UBQLN2: variants seen among roughly 807,000 people sequenced by gnomAD.
UBQLN2 encodes the protein ubiquilin 2, also known as ubiquilin-2.
Under a neutral mutation model 22.2 loss-of-function variants are expected in UBQLN2, and 2 were observed. The ratio of observed to expected loss-of-function variants is 0.09; its 90% CI spans 0.04 to 0.28. UBQLN2 has a LOEUF of 0.28. Among genes scored for constraint, UBQLN2 ranks in the 10% least tolerant of loss-of-function variants. The pLI, the probability that UBQLN2 is intolerant of heterozygous loss-of-function variation, is 1.00. For missense variants in UBQLN2, 446 were observed against 505.1 expected (o/e 0.88, Z 1.12); for synonymous variants, 252 against 206.7 (o/e 1.22, Z -1.88).
chrX:56,563,957 T>A lies in UBQLN2; in HGVS notation c.84T>A (p.Ala28=). 1 of 1,163,835 alleles carries A rather than the reference T, an allele frequency of 8.6e-7. No individual in the cohort carries two copies. Among genetic ancestry groups the A allele is most frequent in the Non-Finnish European group, 1.1e-6 (1 of 869,800 alleles). Residue 28 remains alanine (A), a synonymous_variant, in exon 1 of 1, where the codon GCT becomes GCA. Transcript: ENST00000338222. The part of the protein sequence containing the change: ...AAAQGSAAAP[A]EPKIIKVTVK... ...CCCAAGGCTCGGCTGCTGCCCCGGCTGAGCCTAAAATCATCAAAGTCACGG... is the reference window on the plus strand; with the variant it reads ...CCCAAGGCTCGGCTGCTGCCCCGGCAGAGCCTAAAATCATCAAAGTCACGG...
Position 56,565,380 on chromosome X carries a change from C to T in UBQLN2, c.1507C>T (p.Pro503Ser), listed in dbSNP as rs780942874. ...GPVTPIGPIG[P>S]IVPFTPIGPI... Reference sequence around the variant, plus strand: ...AGTCACCCCCATAGGCCCCATAGGCCCTATAGTCCCTTTTACCCCCATAGG... The same window carrying T: ...AGTCACCCCCATAGGCCCCATAGGCTCTATAGTCCCTTTTACCCCCATAGG... Residue 503 changes from proline (P) to serine (S), a missense_variant, in exon 1 of 1, where the codon CCT (proline) becomes TCT (serine). Transcript: ENST00000338222. The T allele has an allele frequency of 2.5e-6, 3 of 1,199,888 alleles. No homozygotes were observed. The highest frequency in any genetic ancestry group is 3.0e-5 in the East Asian group (1 of 33,183).
Position 56,563,819 on chromosome X carries a change from C to T in UBQLN2, c.-55C>T. 12 of 969,901 alleles carry T rather than the reference C, an allele frequency of 1.2e-5. No individual in the cohort carries two copies. The highest frequency in any genetic ancestry group is 1.7e-5 in the Non-Finnish European group (12 of 712,140). The allele number at this position is 969,901 out of a possible 1,213,427, so 79.9% of individuals were successfully genotyped here. On this transcript the variant is annotated 5_prime_UTR_variant, in exon 1 of 1. Transcript: ENST00000338222. ...CTCCTTCCTTCCTCCTTCCCTCGCG[C>T]TCTCTCTTTCGCCCGCCCGCGCCTT...
chrX:56,564,772 C>T lies in UBQLN2; in HGVS notation c.899C>T (p.Ser300Phe), dbSNP rs1197392811. Residue 300 changes from serine (S) to phenylalanine (F), a missense_variant, in exon 1 of 1, where the codon TCC becomes TTC. Physicochemically the swap from Ser to Phe is radical, Grantham distance 155. This residue lies in a region of UBQLN2 where 278 missense variants were observed against 279.4 expected (regional missense o/e 1.00). Transcript: ENST00000338222. The stretch of plus-strand genomic sequence containing the variant: ...TTTGCCTCCGTGGGGAGTAGTTCCT[C>T]CTCTGGGGAAGGTACGCAGCCTTCC... ...NPFASVGSSSSSGEGTQPSRT... is the reference protein window; with the variant it reads ...NPFASVGSSSFSGEGTQPSRT... 1 of 1,209,322 alleles carries T rather than the reference C, an allele frequency of 8.3e-7. No homozygotes were observed. The highest frequency in any genetic ancestry group is 1.8e-5 in the African/African-American group (1 of 56,871).
chrX:56,565,294 C>A lies in UBQLN2; in HGVS notation c.1421C>A (p.Pro474Gln), dbSNP rs745791820. ...GCCACTGAAGCACCTGGCCTGATTCCGAGCTTCACTCCAGGTGTGGGGGTG... is the reference window on the plus strand; with the variant it reads ...GCCACTGAAGCACCTGGCCTGATTCAGAGCTTCACTCCAGGTGTGGGGGTG... ...TLATEAPGLI[P>Q]SFTPGVGVGV... The change falls in exon 1 of 1, where the codon CCG (proline) becomes CAG (glutamine). Residue 474 changes from proline (P) to glutamine (Q), a missense_variant. Around this residue, in one of 3 missense-constraint regions of UBQLN2, gnomAD observed 278 missense variants for 279.4 expected, o/e 1.00. Coordinates refer to ENST00000338222, the MANE Select transcript of UBQLN2 (RefSeq NM_013444.4). The A allele has an allele frequency of 1.7e-6, 2 of 1,211,968 alleles. No individual in the cohort carries two copies. Among genetic ancestry groups the A allele is most frequent in the South Asian group, 3.5e-5 (2 of 57,002 alleles).
rs1044171153 is a variant in UBQLN2 at position 56,564,163 on chromosome X, C to T, written c.290C>T (p.Thr97Ile). The T allele has an allele frequency of 2.5e-6, 3 of 1,211,813 alleles. No individual in the cohort carries two copies. Among genetic ancestry groups the T allele is most frequent in the Non-Finnish European group, 3.4e-6 (3 of 895,286 alleles). ...LIQHGIHDGL[T>I]VHLVIKSQNR... The stretch of plus-strand genomic sequence containing the variant: ...CAGCATGGCATCCATGATGGGCTGA[C>T]TGTTCACCTTGTCATCAAAAGCCAG... The change falls in exon 1 of 1, where the codon ACT (threonine) becomes ATT (isoleucine). Residue 97 changes from threonine (T) to isoleucine (I), a missense_variant. Thr to Ile is a moderately conservative substitution (Grantham distance 89, BLOSUM62 -1). Transcript: ENST00000338222.
chrX:56,565,652 G>T lies in UBQLN2; in HGVS notation c.1779G>T (p.Gly593=), dbSNP rs989401129. 1.7e-6 allele frequency: 2 copies of T among 1,210,793 alleles called. No individual in the cohort carries two copies. The highest frequency in any genetic ancestry group is 2.2e-6 in the Non-Finnish European group (2 of 895,348). ...QQQLEQLNAM[G]FLNREANLQA... Reference sequence around the variant, plus strand: ...AACTGGAACAGCTCAACGCAATGGGGTTCTTAAACCGTGAAGCAAACTTGC... The same window carrying T: ...AACTGGAACAGCTCAACGCAATGGGTTTCTTAAACCGTGAAGCAAACTTGC... Residue 593 remains glycine (G), a synonymous_variant, in exon 1 of 1, where the codon GGG becomes GGT. Coordinates refer to ENST00000338222, the MANE Select transcript of UBQLN2 (RefSeq NM_013444.4).
Position 56,565,199 on chromosome X carries a change from A to G in UBQLN2, c.1326A>G (p.Thr442=). ...TGCAGCAGATGCAGAATCCAGACAC[A>G]CTATCAGCCATGTCAAACCCAAGAG... ...AFLQQMQNPD[T]LSAMSNPRAM... Residue 442 remains threonine, a synonymous_variant, in exon 1 of 1, where the codon ACA becomes ACG. Transcript: ENST00000338222. 8.3e-7 allele frequency: 1 copy of G among 1,211,846 alleles called. No individual in the cohort carries two copies. Among genetic ancestry groups the G allele is most frequent in the African/African-American group, 1.7e-5 (1 of 57,820 alleles).
Position 56,565,888 on chromosome X carries a change from T to C in UBQLN2, c.*140T>C. 1.6e-6 allele frequency: 1 copy of C among 641,394 alleles called. No individual in the cohort carries two copies. The allele number at this position is 641,394 out of a possible 1,213,427, so 52.9% of individuals were successfully genotyped here. A position where few individuals can be genotyped will look rare whatever the true frequency, so the allele number is the denominator to read the frequency against. Reference sequence around the variant, plus strand: ...CTAGTTGTAAGTCTAATATGATGCATTTTAAGATGGAGTCCCTCCCTCCTA... The same window carrying C: ...CTAGTTGTAAGTCTAATATGATGCACTTTAAGATGGAGTCCCTCCCTCCTA... On this transcript the variant is annotated 3_prime_UTR_variant, in exon 1 of 1. Coordinates refer to ENST00000338222, the MANE Select transcript of UBQLN2 (RefSeq NM_013444.4).
rs1383892939 is a variant in UBQLN2, at chrX:56,565,732, G to A, written c.1859G>A (p.Gly620Asp). 7 of 1,208,380 alleles carry A rather than the reference G, an allele frequency of 5.8e-6. No homozygotes were observed. The highest frequency in any genetic ancestry group is 2.2e-6 in the Non-Finnish European group (2 of 893,198). The change falls in exon 1 of 1, where the codon GGC becomes GAC. Residue 620 changes from glycine to aspartate, a missense_variant. By Grantham distance (94) the Gly-to-Asp change is moderately conservative. Around this residue, in one of 3 missense-constraint regions of UBQLN2, gnomAD observed 278 missense variants for 279.4 expected, o/e 1.00. Coordinates refer to ENST00000338222, the MANE Select transcript of UBQLN2 (RefSeq NM_013444.4). ...DINAAIERLL[G>D]SQPS The stretch of plus-strand genomic sequence containing the variant: ...AATGCAGCCATTGAAAGGCTGCTGG[G>A]CTCCCAGCCATCGTAATCACATTTC...
chrX:56,567,728 C>T lies in UBQLN2; in HGVS notation c.*1980C>T, dbSNP rs2068649258. ...TAATTTTAGAGATATTCATTTGATC[C>T]TTTTGAGTTTTTCCAGGTGAGAAAT... is the stretch of plus-strand genomic sequence containing the variant. On this transcript the variant is annotated 3_prime_UTR_variant, in exon 1 of 1. Transcript: ENST00000338222. 1 of 122,206 alleles carries T rather than the reference C, an allele frequency of 8.2e-6. No homozygotes were observed. The highest frequency in any genetic ancestry group is 3.8e-4 in the South Asian group (1 of 2,662). 10.1% of individuals were successfully genotyped at this position (122,206 alleles called of 1,213,427 possible). A position where few individuals can be genotyped will look rare whatever the true frequency, so the allele number is the denominator to read the frequency against.
Position 56,565,467 on chromosome X carries a change from G to A in UBQLN2, c.1594G>A (p.Gly532Ser). 2.5e-6 allele frequency: 3 copies of A among 1,199,416 alleles called. No homozygotes were observed. Among genetic ancestry groups the A allele is most frequent in the Non-Finnish European group, 3.4e-6 (3 of 888,923 alleles). ...CCCCCCTGGCTCCACCGGCTCTGGT[G>A]GCCCCACGGGGCCTACTGTGTCCAG... ...AAPPGSTGSGGPTGPTVSSAA... is the reference protein window; with the variant it reads ...AAPPGSTGSGSPTGPTVSSAA... The change falls in exon 1 of 1, where the codon GGC (glycine) becomes AGC (serine). Residue 532 changes from glycine to serine, a missense_variant. Gly to Ser is a moderately conservative substitution (Grantham distance 56). Coordinates refer to ENST00000338222, the MANE Select transcript of UBQLN2 (RefSeq NM_013444.4).
At position 56,564,635 on chromosome X, in the gene UBQLN2, T is replaced by C; in HGVS notation, c.762T>C (p.Ala254=). The change falls in exon 1 of 1, where the codon GCT becomes GCC. Residue 254 remains alanine (A), a synonymous_variant. Transcript: ENST00000338222. ...MQEMMRNQDL[A]LSNLESIPGG... The stretch of plus-strand genomic sequence containing the variant: ...AGATGATGAGAAATCAAGACCTGGC[T>C]CTTAGCAATCTAGAAAGCATCCCAG... The C allele has an allele frequency of 8.3e-7, 1 of 1,210,262 alleles. No individual in the cohort carries two copies. The highest frequency in any genetic ancestry group is 1.1e-6 in the Non-Finnish European group (1 of 894,689).
chrX:56,564,311 GAGCCTGGGAGGACTTGCAGGCCTTAGC>G lies in UBQLN2; in HGVS notation c.447_473del (p.Gly150_Gly158del). Reference sequence around the variant, plus strand: ...CAAATAGCAACCCGTTTGGGTTGGGGAGCCTGGGAGGACTTGCAGGCCTTAGCAGCCTGGGCTTGAGCTCGACCAACT... The same window carrying G: ...CAAATAGCAACCCGTTTGGGTTGGGGAGCCTGGGCTTGAGCTCGACCAACT... On this transcript the variant is annotated inframe_deletion, in exon 1 of 1. Transcript: ENST00000338222. 8.3e-7 allele frequency: 1 copy of G among 1,211,481 alleles called. No homozygotes were observed. Among genetic ancestry groups the G allele is most frequent in the South Asian group, 1.8e-5 (1 of 56,962 alleles).
In UBQLN2 at chrX:56,566,316, G is replaced by C. The variant is rs1248185199; in HGVS notation, c.*568G>C. On this transcript the variant is annotated 3_prime_UTR_variant, in exon 1 of 1. Coordinates refer to ENST00000338222, the MANE Select transcript of UBQLN2 (RefSeq NM_013444.4). ...GTGACTTTGGCATGTATTTTTGCTA[G>C]CAAAATGCTGTAAGATTTATACCAT... 1.5e-5 allele frequency: 2 copies of C among 135,888 alleles called. No homozygotes were observed. The highest frequency in any genetic ancestry group is 6.4e-5 in the African/African-American group (2 of 31,032). 11.2% of individuals were successfully genotyped at this position (135,888 alleles called of 1,213,427 possible). A position where few individuals can be genotyped will look rare whatever the true frequency, so the allele number is the denominator to read the frequency against.
chrX:56,563,647 G>T lies in UBQLN2; in HGVS notation c.-227G>T, dbSNP rs921094400. 7 of 337,047 alleles carry T rather than the reference G, an allele frequency of 2.1e-5. No individual in the cohort carries two copies. The highest frequency in any genetic ancestry group is 1.4e-4 in the East Asian group (3 of 21,826). The allele number at this position is 337,047 out of a possible 1,213,427, so 27.8% of individuals were successfully genotyped here. On this transcript the variant is annotated 5_prime_UTR_variant, in exon 1 of 1. Transcript: ENST00000338222. ...GGATCACAAGGCGGCGGCGGAGGAG[G>T]CCCAGAGACCGGAGCGCGGAGACCT...
rs1002339016 is a variant in UBQLN2 at position 56,563,803 on chromosome X, T to G, written c.-71T>G. The G allele has an allele frequency of 1.1e-6, 1 of 881,307 alleles. No individual in the cohort carries two copies. Among genetic ancestry groups the G allele is most frequent in the African/African-American group, 2.0e-5 (1 of 48,935 alleles). The allele number at this position is 881,307 out of a possible 1,213,427, so 72.6% of individuals were successfully genotyped here. ...CCCGCTGCGGCGGTGCCTCCTTCCT[T>G]CCTCCTTCCCTCGCGCTCTCTCTTT... On this transcript the variant is annotated 5_prime_UTR_variant, in exon 1 of 1. Coordinates refer to ENST00000338222, the MANE Select transcript of UBQLN2 (RefSeq NM_013444.4).
rs1214760842 is a variant in UBQLN2 at position 56,565,328 on chromosome X, G to A, written c.1455G>A (p.Leu485=). The part of the protein sequence containing the change: ...SFTPGVGVGV[L]GTAIGPVGPV... ...CTCCAGGTGTGGGGGTGGGGGTGCT[G>A]GGAACCGCTATAGGCCCTGTAGGCC... The change falls in exon 1 of 1, where the codon CTG becomes CTA. Residue 485 remains leucine (L), a synonymous_variant. Transcript: ENST00000338222. 2.2e-5 allele frequency: 26 copies of A among 1,208,805 alleles called. No homozygotes were observed. Among genetic ancestry groups the A allele is most frequent in the Non-Finnish European group, 2.9e-5 (26 of 894,298 alleles).
At position 56,565,345 on chromosome X, in the gene UBQLN2, CT is replaced by C; in HGVS notation, c.1473del (p.Val492Ter). On this transcript the variant is annotated frameshift_variant, in exon 1 of 1. Coordinates refer to ENST00000338222, the MANE Select transcript of UBQLN2 (RefSeq NM_013444.4). LOFTEE classifies it high-confidence loss of function. ...GVGVLGTAIG[P>X]VGPVTPIGPI... is the part of the protein sequence containing the mutation. ...GGGGTGCTGGGAACCGCTATAGGCC[CT>C]GTAGGCCCAGTCACCCCCATAGGCC... 8.3e-7 allele frequency: 1 copy of C among 1,208,644 alleles called. No homozygotes were observed. Among genetic ancestry groups the C allele is most frequent in the African/African-American group, 1.7e-5 (1 of 57,797 alleles).
chrX:56,565,067 G>A lies in UBQLN2; in HGVS notation c.1194G>A (p.Ser398=), dbSNP rs757666817. ...SAPYMRSMMQ[S]LSQNPDLAAQ... ...CCTACATGAGAAGCATGATGCAGTC[G>A]CTGAGCCAGAATCCAGATTTGGCTG... Residue 398 remains serine, a synonymous_variant, in exon 1 of 1, where the codon TCG becomes TCA. Transcript: ENST00000338222. The A allele has an allele frequency of 8.3e-7, 1 of 1,211,743 alleles. No individual in the cohort carries two copies. Among genetic ancestry groups the A allele is most frequent in the South Asian group, 1.8e-5 (1 of 56,967 alleles).
Sources: allele counts gnomAD v4.1 joint callset, GRCh38; gene constraint gnomAD v4.1.1; regional missense constraint gnomAD v4.1.1; transcripts MANE v1.5; gene names NCBI Gene and HGNC (gene_info 2026-07-23, HGNC 2026-07-21).